GLS: variants seen among roughly 807,000 people sequenced by gnomAD.
GLS encodes the protein glutaminase kidney isoform, mitochondrial.
In GLS, 36 loss-of-function variants were observed where a neutral mutation model predicts 86.7. The observed-to-expected ratio is 0.42, with a 90% CI of 0.32 to 0.55. The LOEUF is 0.55. Ranked by LOEUF, GLS falls within the 20% of genes least tolerant of loss-of-function variation. GLS has a pLI of 0.17. For synonymous variants in GLS, 317 were observed against 305.9 expected, an observed-to-expected ratio of 1.04 and a Z score of -0.38; for missense variants, 528 against 833.4, an observed-to-expected ratio of 0.63 and a Z score of 4.51.
chr2:190,932,709 C>T, intron 14 of GLS: 1 of 1,580,944 alleles, frequency 6.3e-7, no homozygotes, highest in Non-Finnish European at 8.6e-7. Context: ...GTTGCTTGAA[C>T]AACTAGCATT....
intron 1 of GLS, among the ~76,000 whole-genome samples, chr2:190,886,302 A>G (rs529145636): frequency 4.2e-4 from 64 of 152,116 alleles, no homozygotes; most frequent in African/African-American, 1.4e-3. Context: ...TAATTAACAA[A>G]CTCATGCTGT....
At position 190,956,479 on chromosome 2, in the gene GLS, G is replaced by C. The variant is rs1574623421; in HGVS notation, c.1853+1661G>C. 6.6e-6 allele frequency among the ~76,000 whole-genome samples: 1 copy of C among 152,156 alleles called. No homozygotes were observed. The highest frequency in any genetic ancestry group is 1.5e-5 in the Non-Finnish European group (1 of 68,026). On this transcript the variant is annotated intron_variant, in intron 17 of 17. Transcript: ENST00000320717. The surrounding 1 kb of genome is among the most constrained non-coding windows in gnomAD (Gnocchi z 4.2). The stretch of plus-strand genomic sequence containing the variant: ...GCTCTGTGTATCTATTTTGGTATCA[G>C]TACCATACTGTTTTGATTACTGTAG...
intron 6 of GLS, among the ~76,000 whole-genome samples, chr2:190,907,701 C>T (rs1689208901): frequency 1.3e-5 from 2 of 152,176 alleles, no homozygotes; most frequent in Admixed American, 1.3e-4. Context: ...TCTTTTTCTA[C>T]CTTGTAGTGA....
rs112140865 is a variant in GLS, at chr2:190,940,329, G to A, written c.1650+8692G>A. On this transcript the variant is annotated intron_variant, in intron 14 of 17. Coordinates refer to ENST00000320717, the MANE Select transcript of GLS (RefSeq NM_014905.5). ...GCACAATGAAACTTCATTGACATCTGATGAAATTACAGTACAAGTGATTTT... is the reference window on the plus strand; with the variant it reads ...GCACAATGAAACTTCATTGACATCTAATGAAATTACAGTACAAGTGATTTT... 8.9e-3 allele frequency among the ~76,000 whole-genome samples: 1,348 copies of A among 152,096 alleles called. 32 individuals carry two copies. The highest frequency in any genetic ancestry group is 0.029 in the African/African-American group (1,216 of 41,544).
In GLS at chr2:190,933,074, A is replaced by G. The variant is rs113070606; in HGVS notation, c.1650+1437A>G. ...GTCTTTAAAAAGTATTTACAAGTAC[A>G]TAAATTTGCTTTATTTTTAAAAATA... On this transcript the variant is annotated intron_variant, in intron 14 of 17. Coordinates refer to ENST00000320717, the MANE Select transcript of GLS (RefSeq NM_014905.5). 11 of 1,007,958 alleles carry G rather than the reference A, an allele frequency of 1.1e-5. No homozygotes were observed. The African/African-American group carries it at 1.7e-4, about 15-fold the overall frequency. 62.4% of individuals were successfully genotyped at this position (1,007,958 alleles called of 1,614,324 possible).
At chr2:190,892,182 A>G (rs1469699059) in intron 1 of GLS, among the ~76,000 whole-genome samples, 2 of 152,172 alleles carry the variant, frequency 1.3e-5, no homozygotes, top group African/African-American at 4.8e-5. Flanking sequence ...TTTTTAAGAC[A>G]GTTAAAGGCT....
chr2:190,934,298 T>C, intron 14 of GLS: 1 of 962,970 alleles, frequency 1.0e-6, no homozygotes, highest in Non-Finnish European at 1.2e-6. Context: ...ATCTTGATCA[T>C]AATGTCTTAA....
chr2:190,887,100 C>T (rs1044590143), intron 1 of GLS, among the ~76,000 whole-genome samples: 1 of 152,070 alleles, frequency 6.6e-6, no homozygotes, highest in Non-Finnish European at 1.5e-5. Flanking sequence ...CCTGTCTGTG[C>T]CTTTTCACCT....
rs1420715888 is a variant in GLS at position 190,943,646 on chromosome 2, T to C, written c.1651-9919T>C. 3.9e-5 allele frequency among the ~76,000 whole-genome samples: 6 copies of C among 152,236 alleles called. No individual in the cohort carries two copies. Among genetic ancestry groups the C allele is most frequent in the African/African-American group, 1.2e-4 (5 of 41,466 alleles). ...CTTTATTTTTTAGTGTCTTAAAATA[T>C]GCTTTTCTCCAGCAATTTTCTGTAT... On this transcript the variant is annotated intron_variant, in intron 14 of 17. Transcript: ENST00000320717. The surrounding 1 kb of genome is among the most constrained non-coding windows in gnomAD (Gnocchi z 4.5).
At chr2:190,906,361 AT>A (rs1689135659) in intron 6 of GLS, among the ~76,000 whole-genome samples, 1 of 152,170 alleles carries the variant, frequency 6.6e-6, no homozygotes, top group Admixed American at 6.5e-5. Context: ...AAATATAGTA[AT>A]TTGAATGTTT....
intron 1 of GLS, among the ~76,000 whole-genome samples, chr2:190,885,247 A>G (rs1469907573): frequency 6.6e-6 from 1 of 151,844 alleles, no homozygotes; most frequent in South Asian, 2.1e-4. Context: ...GCTGGAGTGC[A>G]GTGGTGTGAT....
Position 190,951,925 on chromosome 2 carries a change from C to T in GLS, c.1651-1640C>T, listed in dbSNP as rs1404491595. ...TGGAGACTTTAAACAAAATTATGGGCTGAGCATGTTGGCTCATGCCTGTAA... is the reference window on the plus strand; with the variant it reads ...TGGAGACTTTAAACAAAATTATGGGTTGAGCATGTTGGCTCATGCCTGTAA... On this transcript the variant is annotated intron_variant, in intron 14 of 17. Transcript: ENST00000320717. This position sits in a 1 kb window ranked among gnomAD's most constrained non-coding sequence, Gnocchi z 4.2. 6.6e-6 allele frequency among the ~76,000 whole-genome samples: 1 copy of T among 152,214 alleles called. No homozygotes were observed. Among genetic ancestry groups the T allele is most frequent in the Non-Finnish European group, 1.5e-5 (1 of 68,042 alleles).
In GLS at chr2:190,951,557, T is replaced by C. The variant is rs1019150541; in HGVS notation, c.1651-2008T>C. 1.3e-5 allele frequency among the ~76,000 whole-genome samples: 2 copies of C among 152,074 alleles called. No individual in the cohort carries two copies. Among genetic ancestry groups the C allele is most frequent in the Non-Finnish European group, 2.9e-5 (2 of 67,990 alleles). ...AGTGTTTGAAGGAATAGATAAAAAGTAGTCTCAAAAATGAGGAAGCTTTTT... is the reference window on the plus strand; with the variant it reads ...AGTGTTTGAAGGAATAGATAAAAAGCAGTCTCAAAAATGAGGAAGCTTTTT... On this transcript the variant is annotated intron_variant, in intron 14 of 17. Transcript: ENST00000320717. The surrounding 1 kb of genome is among the most constrained non-coding windows in gnomAD (Gnocchi z 4.2).
intron 1 of GLS, among the ~76,000 whole-genome samples, chr2:190,892,082 A>G (rs947394392): frequency 1.3e-5 from 2 of 151,906 alleles, no homozygotes; most frequent in African/African-American, 2.4e-5. Context: ...TTTTATGTAC[A>G]TGTCTCCTAC....
At position 190,913,267 on chromosome 2, in the gene GLS, A is replaced by G; in HGVS notation, c.1038+2946A>G. 5 of 1,301,178 alleles carry G rather than the reference A, an allele frequency of 3.8e-6. No homozygotes were observed. Among genetic ancestry groups the G allele is most frequent in the Non-Finnish European group, 4.0e-6 (4 of 987,920 alleles). The allele number at this position is 1,301,178 out of a possible 1,614,324, so 80.6% of individuals were successfully genotyped here. On this transcript the variant is annotated intron_variant, in intron 7 of 17. Transcript: ENST00000320717. The surrounding 1 kb of genome is among the most constrained non-coding windows in gnomAD (Gnocchi z 6.1). ...AAAAGGATTAGCAGATTGTGGAAAA[A>G]AGGAGAATTTGGACAGAAGGAGCCT...
chr2:190,910,553 C>T (rs1036176403), intron 7 of GLS, among the ~76,000 whole-genome samples: 17 of 148,506 alleles, frequency 1.1e-4, no homozygotes, highest in African/African-American at 4.2e-4. Flanking sequence ...GTCATTTACT[C>T]TTGACTTGAA....
intron 4 of GLS, among the ~76,000 whole-genome samples, chr2:190,901,037 A>C (rs970686734): frequency 1.3e-5 from 2 of 152,132 alleles, no homozygotes; most frequent in African/African-American, 4.8e-5. Context: ...AATCCTGTAA[A>C]TAATACTAGG....
Position 190,914,133 on chromosome 2 carries a change from G to C in GLS, c.1038+3812G>C, listed in dbSNP as rs1421785767. Among the ~76,000 whole-genome samples the C allele has an allele frequency of 6.6e-6, 1 of 152,096 alleles. No individual in the cohort carries two copies. The highest frequency in any genetic ancestry group is 1.9e-4 in the East Asian group (1 of 5,192). On this transcript the variant is annotated intron_variant, in intron 7 of 17. Coordinates refer to ENST00000320717, the MANE Select transcript of GLS (RefSeq NM_014905.5). The surrounding 1 kb of genome is among the most constrained non-coding windows in gnomAD (Gnocchi z 4.4). ...TAGTTTCCAGTTTTTGTCATTTAAA[G>C]AAGTTCAATTTTCTTTTTAATCAAA...
chr2:190,901,994 G>A lies in GLS; in HGVS notation c.783G>A (p.Trp261Ter). ...TGGCCAAATTCAGTCCCGATTTGTG[G>A]GGTGTGTCTGTTTGTACAGTAGATG... ...PQLAKFSPDL[W>*]GVSVCTVDGQ... The change falls in exon 5 of 18, where the codon TGG becomes TGA. Residue 261 changes from tryptophan to a stop codon, truncating the protein, a stop_gained. Coordinates refer to ENST00000320717, the MANE Select transcript of GLS (RefSeq NM_014905.5). LOFTEE classifies it high-confidence loss of function. 6.2e-7 allele frequency: 1 copy of A among 1,611,598 alleles called. No individual in the cohort carries two copies. The highest frequency in any genetic ancestry group is 8.5e-7 in the Non-Finnish European group (1 of 1,177,876).
Sources: allele counts gnomAD v4.1 joint callset (sites outside exome capture counted in the v4.1 genomes callset), GRCh38; gene constraint gnomAD v4.1.1; non-coding constraint Gnocchi (gnomAD v3.1); transcripts MANE v1.5; gene names NCBI Gene and HGNC (gene_info 2026-07-23, HGNC 2026-07-21).